Variants in ENKUR observed in about 807,000 individuals in gnomAD.
The protein encoded by ENKUR is enkurin.
In ENKUR, 19 loss-of-function variants were observed where a neutral mutation model predicts 27.6. The observed-to-expected ratio is 0.69, with a 90% CI of 0.48 to 1.01. The LOEUF is 1.01. Ranked by LOEUF, ENKUR falls within the 50% of genes least tolerant of loss-of-function variation. The probability of loss-of-function intolerance (pLI) is 0.00; values close to 1 mark genes in which losing one functional copy is unlikely to be tolerated. For missense variants in ENKUR, 312 were observed against 310.5 expected, an observed-to-expected ratio of 1.00 and a Z score of -0.04; for synonymous variants, 117 against 96.9, an observed-to-expected ratio of 1.21 and a Z score of -1.22.
At chr10:24,984,609 A>C (rs1320438460) in intron 5 of ENKUR, 127 bp downstream of exon 5, 5 of 1,091,404 alleles carry the variant, frequency 4.6e-6, no homozygotes. Context: ...TTGCCTAAGC[A>C]TTCTGATTAA....
intron 2 of ENKUR, among the ~76,000 whole-genome samples, chr10:25,042,074 AG>A (rs899364519): frequency 2.6e-5 from 4 of 152,122 alleles, no homozygotes; most frequent in African/African-American, 9.7e-5. Flanking sequence ...ACTGTGATAC[AG>A]TTATGTAAGA....
intron 2 of ENKUR, among the ~76,000 whole-genome samples, chr10:25,045,124 CT>C (rs1851108591): frequency 6.6e-6 from 1 of 152,108 alleles, no homozygotes; most frequent in South Asian, 2.1e-4. Context: ...TTTTTGCCGA[CT>C]TTTATTCATG....
chr10:25,012,263 C>T (rs879643002), intron 1 of ENKUR, among the ~76,000 whole-genome samples: 1 of 152,232 alleles, frequency 6.6e-6, no homozygotes, highest in Non-Finnish European at 1.5e-5. Context: ...TCTGCTAGGG[C>T]AGTGTGGAAG....
chr10:25,054,950 C>T (rs928767178), intron 2 of ENKUR, among the ~76,000 whole-genome samples: 1 of 152,158 alleles, frequency 6.6e-6, no homozygotes, highest in South Asian at 2.1e-4. Context: ...GTTGAGATTA[C>T]AGGCGTGAGC....
At chr10:25,018,668 T>TG (rs61298183), upstream of ENKUR, among the ~76,000 whole-genome samples, 5 of 151,260 alleles carry the variant, frequency 3.3e-5, no homozygotes, top group Non-Finnish European at 5.9e-5. Flanking sequence ...TGTTTTTTTT[T>TG]TTTTTTTTTT....
At chr10:25,020,114 ATTG>A (rs984949876), upstream of ENKUR, among the ~76,000 whole-genome samples, 1 of 152,050 alleles carries the variant, frequency 6.6e-6, no homozygotes, top group Non-Finnish European at 1.5e-5. Context: ...ATATATCTTT[ATTG>A]TTCTTTAGAA....
chr10:25,022,246 A>C (rs1248396050), intron 2 of ENKUR, among the ~76,000 whole-genome samples: 1 of 152,146 alleles, frequency 6.6e-6, no homozygotes, highest in Non-Finnish European at 1.5e-5. Context: ...TCAATATGGG[A>C]AATTATAGAG....
rs1849695661 is a variant in ENKUR at position 24,982,762 on chromosome 10, C to T, written c.*1608G>A. 1 of 152,140 alleles carries T rather than the reference C, an allele frequency of 6.6e-6. No homozygotes were observed. Among genetic ancestry groups the T allele is most frequent in the South Asian group, 2.1e-4 (1 of 4,824 alleles). The allele number at this position is 152,140 out of a possible 1,614,324, so 9.4% of individuals were successfully genotyped here. On this transcript the variant is annotated 3_prime_UTR_variant, in exon 6 of 6. Coordinates refer to ENST00000331161, the MANE Select transcript of ENKUR (RefSeq NM_145010.4). ...GAACAATGGATGGGAATGTTTCCCT[C>T]TGAAGGCTCTGTGAAAGAAAGGCAA...
intron 2 of ENKUR, chr10:25,023,463 T>C: frequency 1.9e-6 from 3 of 1,614,116 alleles, no homozygotes; most frequent in Non-Finnish European, 2.5e-6. Flanking sequence ...AGAAACTAGG[T>C]TGTTGTGTCA....
At position 25,027,357 on chromosome 10, in the gene ENKUR, C is replaced by CAAAAAA. The variant is rs71399946; in HGVS notation, c.38-31494_38-31489dup. On this transcript the variant is annotated intron_variant, in intron 2 of 5. Transcript: ENST00000615958. ...GGGTGACAGAGCAAGACTCCCGTCT[C>CAAAAAA]AAAAAAAAAAAAAAAAAAAAAAAAA... Among the ~76,000 whole-genome samples, 99 of 48,484 alleles carry CAAAAAA rather than the reference C, an allele frequency of 2.0e-3. 5 individuals are homozygous for CAAAAAA. Among genetic ancestry groups the CAAAAAA allele is most frequent in the African/African-American group, 0.01 (96 of 9,242 alleles). The allele number at this position is 48,484 out of a possible 152,430, so 31.8% of individuals were successfully genotyped here.
chr10:24,994,450 T>C (rs928938194), intron 3 of ENKUR, among the ~76,000 whole-genome samples: 1 of 151,554 alleles, frequency 6.6e-6, no homozygotes, highest in African/African-American at 2.4e-5. Context: ...TCTCGTGCCT[T>C]AGCCACCCGA....
upstream of ENKUR, among the ~76,000 whole-genome samples, chr10:25,017,430 G>A (rs1408699068): frequency 6.6e-6 from 1 of 152,130 alleles, no homozygotes; most frequent in African/African-American, 2.4e-5. Context: ...AGGAAATAAA[G>A]CTTCCCGGAG....
chr10:25,033,501 A>G (rs2130458788), intron 2 of ENKUR, among the ~76,000 whole-genome samples: 1 of 152,104 alleles, frequency 6.6e-6, no homozygotes, highest in East Asian at 1.9e-4. Flanking sequence ...CATATTAGCC[A>G]ATTAATCCTA....
At chr10:24,993,065 A>G (rs545031424) in intron 3 of ENKUR, among the ~76,000 whole-genome samples, 1 of 152,348 alleles carries the variant, frequency 6.6e-6, no homozygotes, top group African/African-American at 2.4e-5. Context: ...ACAGCTAGGC[A>G]GGAGAACTGC....
At chr10:25,047,028 C>G (rs963983615) in intron 2 of ENKUR, among the ~76,000 whole-genome samples, 1 of 152,088 alleles carries the variant, frequency 6.6e-6, no homozygotes, top group Non-Finnish European at 1.5e-5. Context: ...TGCTTTTCAC[C>G]GAATAAAATT....
intron 3 of ENKUR, among the ~76,000 whole-genome samples, chr10:24,993,436 T>C (rs2132681517): frequency 6.6e-6 from 1 of 152,368 alleles, no homozygotes; most frequent in Admixed American, 6.5e-5. Context: ...AGTTAGACTT[T>C]GAAAGAATGT....
At chr10:25,009,031 T>C (rs1307605368) in intron 1 of ENKUR, among the ~76,000 whole-genome samples, 1 of 152,098 alleles carries the variant, frequency 6.6e-6, no homozygotes, top group East Asian at 1.9e-4. Flanking sequence ...CCGCATGTTC[T>C]CACTCATAGG....
chr10:25,027,913 C>T (rs531435129), intron 2 of ENKUR, among the ~76,000 whole-genome samples: 4 of 152,018 alleles, frequency 2.6e-5, no homozygotes, highest in African/African-American at 4.8e-5. Context: ...AACGAGACAA[C>T]GCAAAAATTC....
intron 1 of ENKUR, among the ~76,000 whole-genome samples, chr10:25,003,468 A>C (rs1172666033): frequency 6.6e-6 from 1 of 152,182 alleles, no homozygotes; most frequent in South Asian, 2.1e-4. Flanking sequence ...TGGCCTTCCA[A>C]AGTGCTGGGA....
Sources: gnomAD v4.1 joint callset for allele counts (sites outside exome capture counted in the v4.1 genomes callset) on GRCh38, gnomAD v4.1.1 for gene constraint, MANE v1.5 for transcripts, NCBI Gene and HGNC (gene_info 2026-07-23, HGNC 2026-07-21) for gene names.